Variants in MAP3K15 observed in about 807,000 individuals in gnomAD.
MAP3K15 encodes the protein mitogen-activated protein kinase kinase kinase 15.
MAP3K15 carries 124 observed loss-of-function variants against 99.5 expected under a neutral mutation model. The observed-to-expected ratio is 1.25, with a 90% CI of 1.08 to 1.45. The LOEUF (loss-of-function observed/expected upper bound fraction) is 1.45, where lower values mean the gene tolerates loss of function less well. Among genes scored for constraint, MAP3K15 ranks in the 40% most tolerant of loss-of-function variants. MAP3K15 has a pLI of 0.00. For synonymous variants in MAP3K15, 494 were observed against 439.6 expected (o/e 1.12, Z -1.55); for missense variants, 1,242 against 1,079.7 (o/e 1.15, Z -2.11).
At chrX:19,427,795 A>G (rs978900866) in intron 7 of MAP3K15, among the ~76,000 whole-genome samples, 4 of 111,220 alleles carry the variant, frequency 3.6e-5, no homozygotes, top group Non-Finnish European at 7.5e-5. Flanking sequence ...TTAATTCTTG[A>G]AAGGAGAAGT....
rs12391430 is a variant in MAP3K15 at position 19,419,528 on chromosome X, C to A, written c.1440-4271G>T. ...TATGCACCCAATACAGGAACACCCA[C>A]ATTCATAAAGCAAGTCCTTAGAGAC... On this transcript the variant is annotated intron_variant, in intron 9 of 28. Transcript: ENST00000338883. 4.6e-5 allele frequency among the ~76,000 whole-genome samples: 5 copies of A among 109,883 alleles called. No individual in the cohort carries two copies. In the South Asian group the frequency reaches 1.9e-3, roughly 43 times the overall value.
chrX:19,457,907 T>C (rs1031603468), intron 5 of MAP3K15, among the ~76,000 whole-genome samples: 4 of 111,490 alleles, frequency 3.6e-5, no homozygotes, highest in African/African-American at 1.3e-4. Context: ...CGCACTTAGT[T>C]TTTACAACTG....
intron 3 of MAP3K15, among the ~76,000 whole-genome samples, chrX:19,467,003 T>C (rs1384779311): frequency 9.0e-6 from 1 of 110,658 alleles, no homozygotes; most frequent in Non-Finnish European, 1.9e-5. Flanking sequence ...CACACAAACT[T>C]TTTTTTTAAT....
At chrX:19,397,846 G>A (rs1360358507) in intron 15 of MAP3K15, among the ~76,000 whole-genome samples, 1 of 110,756 alleles carries the variant, frequency 9.0e-6, no homozygotes, top group African/African-American at 3.3e-5. Flanking sequence ...GGGAGGCCAA[G>A]GCGGGCAGAT....
chrX:19,425,385 G>T, intron 9 of MAP3K15, 146 bp downstream of exon 9: 3 of 488,327 alleles, frequency 6.1e-6, no homozygotes, highest in South Asian at 1.1e-4. Flanking sequence ...TCACATAAAA[G>T]CAAGGGAATT....
chrX:19,361,389 C>A lies in MAP3K15; in HGVS notation c.3807G>T (p.Ser1269=). The change falls in exon 28 of 29, where the codon TCG becomes TCT. Residue 1269 remains serine, a synonymous_variant. Transcript: ENST00000338883. ...CCTTAGTGATCTCATTAAGAATATC[C>A]GAAAGTGTATAACCCTCTTCAACAA... ...EKIVEEGYTL[S]DILNEITKED... is the part of the protein sequence containing the mutation. The A allele has an allele frequency of 8.3e-7, 1 of 1,208,945 alleles. No individual in the cohort carries two copies. Among genetic ancestry groups the A allele is most frequent in the East Asian group, 3.0e-5 (1 of 33,858 alleles).
At chrX:19,481,216 T>C (rs1387221275) in intron 3 of MAP3K15, among the ~76,000 whole-genome samples, 1 of 108,909 alleles carries the variant, frequency 9.2e-6, no homozygotes, top group Middle Eastern at 4.3e-3. Context: ...AATAAACCCT[T>C]ACGTATACAG....
intron 3 of MAP3K15, 46 bp from the exon 4 acceptor site, chrX:19,464,452 A>C (rs1322043341): frequency 9.4e-7 from 1 of 1,058,718 alleles, no homozygotes; most frequent in Admixed American, 2.5e-5. Flanking sequence ...CTTATGTGGA[A>C]GTGTAGGCTC....
chrX:19,458,222 C>T (rs1442279798), intron 5 of MAP3K15, among the ~76,000 whole-genome samples: 1 of 111,766 alleles, frequency 8.9e-6, no homozygotes, highest in Non-Finnish European at 1.9e-5. Flanking sequence ...TCTTGGCCCA[C>T]CTTTGAGCAT....
intron 1 of MAP3K15, among the ~76,000 whole-genome samples, chrX:19,503,972 T>C (rs2147427763): frequency 1.9e-5 from 2 of 107,218 alleles, no homozygotes; most frequent in East Asian, 6.0e-4. Context: ...TAAAAATAGC[T>C]GGACATAGTG....
intron 9 of MAP3K15, among the ~76,000 whole-genome samples, chrX:19,420,345 T>C (rs2063772736): frequency 9.0e-6 from 1 of 111,497 alleles, no homozygotes; most frequent in South Asian, 3.7e-4. Flanking sequence ...TAAAAAATGA[T>C]AAAGGGGATA....
intron 28 of MAP3K15, 127 bp downstream of exon 28, chrX:19,361,212 T>C: frequency 1.8e-6 from 1 of 558,759 alleles, no homozygotes; most frequent in South Asian, 3.3e-5. Flanking sequence ...CCTTGGCTTT[T>C]TCCCAGCTTG....
intron 3 of MAP3K15, among the ~76,000 whole-genome samples, chrX:19,470,337 T>C (rs756807228): frequency 9.2e-6 from 1 of 108,872 alleles, no homozygotes; most frequent in East Asian, 2.9e-4. Flanking sequence ...CACTCTTAGG[T>C]GGGAAATGAA....
At chrX:19,461,774 C>T (rs1207290897) in intron 4 of MAP3K15, among the ~76,000 whole-genome samples, 1 of 110,724 alleles carries the variant, frequency 9.0e-6, no homozygotes, top group East Asian at 2.8e-4. Context: ...GAGGATCACC[C>T]GAGCTTAGGA....
At chrX:19,415,053 C>T (rs2147281036) in intron 10 of MAP3K15, 54 bp downstream of exon 10, 1 of 1,025,557 alleles carries the variant, frequency 9.8e-7, no homozygotes, top group South Asian at 2.4e-5. Flanking sequence ...TAAATAGCAC[C>T]AATCCCTAGT....
At chrX:19,421,392 A>G (rs7877554) in intron 9 of MAP3K15, among the ~76,000 whole-genome samples, 1,930 of 110,869 alleles carry the variant, frequency 0.017, 46 homozygotes, top group African/African-American at 0.061. Context: ...CTAACAGACA[A>G]ACAGAGAGCC....
At chrX:19,430,617 G>A (rs1432167603) in intron 7 of MAP3K15, among the ~76,000 whole-genome samples, 2 of 111,093 alleles carry the variant, frequency 1.8e-5, no homozygotes, top group Non-Finnish European at 3.8e-5. Context: ...GTCCAATCTT[G>A]TCACTCCTCT....
intron 1 of MAP3K15, among the ~76,000 whole-genome samples, chrX:19,500,417 C>T (rs1337076342): frequency 6.3e-5 from 7 of 111,208 alleles, no homozygotes; most frequent in African/African-American, 2.3e-4. Context: ...AAGTTATCTA[C>T]ATCGAATGCT....
intron 16 of MAP3K15, 132 bp from the exon 17 acceptor site, chrX:19,392,605 C>A: frequency 1.6e-6 from 1 of 614,008 alleles, no homozygotes; most frequent in South Asian, 3.0e-5. Flanking sequence ...GGGCTAAATG[C>A]AACATGTTTC....
Sources: gnomAD v4.1 joint callset for allele counts (sites outside exome capture counted in the v4.1 genomes callset) on GRCh38, gnomAD v4.1.1 for gene constraint, MANE v1.5 for transcripts, NCBI Gene and HGNC (gene_info 2026-07-23, HGNC 2026-07-21) for gene names.